KIAA0825: variants seen among roughly 807,000 people sequenced by gnomAD.
KIAA0825 encodes uncharacterized protein KIAA0825.
A neutral mutation model predicts 147.6 loss-of-function variants in KIAA0825; 119 were observed. The ratio of observed to expected loss-of-function variants is 0.81; its 90% CI spans 0.69 to 0.94. The LOEUF is 0.94. Among genes scored for constraint, KIAA0825 ranks in the 40% least tolerant of loss-of-function variants. The pLI, the probability that KIAA0825 is intolerant of heterozygous loss-of-function variation, is 0.00. For synonymous variants in KIAA0825, 470 were observed against 518.1 expected (o/e 0.91, Z 1.26); for missense variants, 1,381 against 1,472.7 (o/e 0.94, Z 1.02).
chr5:94,438,716 TG>T (rs1464840701), intron 14 of KIAA0825, among the ~76,000 whole-genome samples: 1 of 152,120 alleles, frequency 6.6e-6, no homozygotes, highest in African/African-American at 2.4e-5. Context: ...GGAGAGAATA[TG>T]GGGAACTGGT....
intron 5 of KIAA0825, among the ~76,000 whole-genome samples, chr5:94,488,103 T>C (rs1193634906): frequency 6.6e-6 from 1 of 152,256 alleles, no homozygotes; most frequent in East Asian, 1.9e-4. Flanking sequence ...TTTGTGTTTT[T>C]AGTAGAGACG....
chr5:94,571,845 G>T (rs1780021118), intron 2 of KIAA0825, among the ~76,000 whole-genome samples: 1 of 149,134 alleles, frequency 6.7e-6, no homozygotes, highest in Admixed American at 6.6e-5. Flanking sequence ...TGCTAAAAAG[G>T]ATTATTATAA....
At chr5:94,372,038 G>C (rs1746788709) in intron 20 of KIAA0825, among the ~76,000 whole-genome samples, 1 of 152,208 alleles carries the variant, frequency 6.6e-6, no homozygotes, top group South Asian at 2.1e-4. Context: ...CAATAGGAAA[G>C]TTATTAAACC....
intron 5 of KIAA0825, among the ~76,000 whole-genome samples, chr5:94,486,147 A>T (rs7737533): frequency 0.11 from 16,014 of 152,000 alleles, 1,915 homozygotes; most frequent in African/African-American, 0.3. Flanking sequence ...AAAGAATCCT[A>T]TCTTTATTAA....
At chr5:94,617,032 A>AT (rs1790702623) in intron 1 of KIAA0825, among the ~76,000 whole-genome samples, 2 of 152,256 alleles carry the variant, frequency 1.3e-5, no homozygotes, top group Admixed American at 1.3e-4. Flanking sequence ...TTTGGGTCTC[A>AT]GTATAAAATG....
At chr5:94,550,539 C>T (rs1225322081) in intron 2 of KIAA0825, among the ~76,000 whole-genome samples, 1 of 152,106 alleles carries the variant, frequency 6.6e-6, no homozygotes, top group Non-Finnish European at 1.5e-5. Context: ...AGAAAGGAAA[C>T]ATGACACATT....
At chr5:94,493,782 C>T (rs1255911699) in intron 5 of KIAA0825, among the ~76,000 whole-genome samples, 3 of 152,118 alleles carry the variant, frequency 2.0e-5, no homozygotes, top group African/African-American at 7.2e-5. Flanking sequence ...GTCACCGCGC[C>T]TGGCCAATAT....
chr5:94,443,275 T>G (rs1401045916), intron 13 of KIAA0825, among the ~76,000 whole-genome samples: 1 of 151,786 alleles, frequency 6.6e-6, no homozygotes, highest in Admixed American at 6.6e-5. Context: ...CCCTCAGCCT[T>G]TGAGCTGGTG....
chr5:94,266,761 A>T (rs917900391), intron 20 of KIAA0825, among the ~76,000 whole-genome samples: 2 of 152,308 alleles, frequency 1.3e-5, no homozygotes, highest in Non-Finnish European at 2.9e-5. Flanking sequence ...AACATAACTT[A>T]TGTTAATATG....
chr5:94,294,577 T>G (rs1185405359), intron 20 of KIAA0825, among the ~76,000 whole-genome samples: 1 of 152,024 alleles, frequency 6.6e-6, no homozygotes, highest in Non-Finnish European at 1.5e-5. Context: ...AATACAAAAA[T>G]TAGCTGGGTG....
intron 1 of KIAA0825, among the ~76,000 whole-genome samples, chr5:94,589,690 A>G (rs1278513851): frequency 6.6e-6 from 1 of 152,034 alleles, no homozygotes; most frequent in Admixed American, 6.6e-5. Flanking sequence ...CCTTTTTTGT[A>G]TATATGTATT....
intron 20 of KIAA0825, among the ~76,000 whole-genome samples, chr5:94,159,996 G>T (rs991564526): frequency 9.2e-5 from 14 of 152,308 alleles, no homozygotes; most frequent in African/African-American, 3.4e-4. Flanking sequence ...TAGCTGAGGA[G>T]TGAAGAGTAA....
intron 20 of KIAA0825, among the ~76,000 whole-genome samples, chr5:94,351,261 T>C (rs547783734): frequency 1.3e-5 from 2 of 152,156 alleles, no homozygotes; most frequent in Admixed American, 1.3e-4. Flanking sequence ...AATTAGTAGC[T>C]CTTCTATACA....
At chr5:94,473,859 A>C (rs1464816104) in intron 7 of KIAA0825, among the ~76,000 whole-genome samples, 1 of 152,256 alleles carries the variant, frequency 6.6e-6, no homozygotes, top group Non-Finnish European at 1.5e-5. Context: ...CACATAAAAC[A>C]ACCTTTAAAT....
intron 2 of KIAA0825, among the ~76,000 whole-genome samples, chr5:94,550,639 G>A (rs988794231): frequency 3.3e-5 from 5 of 152,102 alleles, no homozygotes; most frequent in Non-Finnish European, 7.4e-5. Context: ...TCAGGAGACC[G>A]AGGCCATCCT....
intron 20 of KIAA0825, among the ~76,000 whole-genome samples, chr5:94,297,960 G>A (rs972572148): frequency 6.0e-5 from 9 of 150,056 alleles, no homozygotes; most frequent in African/African-American, 1.5e-4. Flanking sequence ...ATAGAGTGGC[G>A]GGTGTGCTGA....
At chr5:94,604,283 G>A (rs1003981049) in intron 1 of KIAA0825, among the ~76,000 whole-genome samples, 1 of 152,166 alleles carries the variant, frequency 6.6e-6, no homozygotes, top group Non-Finnish European at 1.5e-5. Flanking sequence ...CACTTATGGT[G>A]GTTCATGCCT....
At chr5:94,267,185 C>T (rs928698713) in intron 20 of KIAA0825, among the ~76,000 whole-genome samples, 4 of 152,158 alleles carry the variant, frequency 2.6e-5, no homozygotes, top group South Asian at 2.1e-4. Flanking sequence ...ACAAATCAAC[C>T]GAAGCTCAGT....
At chr5:94,383,247 T>G in intron 20 of KIAA0825, among the ~76,000 whole-genome samples, 1 of 152,220 alleles carries the variant, frequency 6.6e-6, no homozygotes, top group East Asian at 1.9e-4. Flanking sequence ...GATGGGTGTG[T>G]GAGCTTAATT....
Sources: gnomAD v4.1 joint callset for allele counts (sites outside exome capture counted in the v4.1 genomes callset) on GRCh38, gnomAD v4.1.1 for gene constraint, MANE v1.5 for transcripts, NCBI Gene and HGNC (gene_info 2026-07-23, HGNC 2026-07-21) for gene names.